Variants in OASL observed in about 807,000 individuals in gnomAD.
OASL encodes 2'-5'-oligoadenylate synthetase like.
In OASL, 28 loss-of-function variants were observed where a neutral mutation model predicts 35.3. That is an observed-to-expected ratio of 0.79 (90% confidence interval 0.59 to 1.09). OASL has a LOEUF of 1.09. Among genes scored for constraint, OASL ranks in the 50% least tolerant of loss-of-function variants. The pLI is 0.00. For missense variants in OASL, 620 were observed against 635.2 expected (o/e 0.98, Z 0.26); for synonymous variants, 252 against 254.6 (o/e 0.99, Z 0.10).
At chr12:121,032,187 C>T (rs1022336993) in intron 2 of OASL, among the ~76,000 whole-genome samples, 2 of 148,416 alleles carry the variant, frequency 1.3e-5, no homozygotes, top group East Asian at 3.9e-4. Context: ...AGCGAGACTC[C>T]GTCTCAAAAA....
exon 6 of OASL, chr12:121,020,597 C>A: frequency 6.2e-7 from 1 of 1,607,432 alleles, no homozygotes; most frequent in African/African-American, 1.3e-5. Flanking sequence ...CTTTCTTCTT[C>A]GAGAGGATGA....
At chr12:121,028,630 G>A (rs865881127) in intron 3 of OASL, among the ~76,000 whole-genome samples, 117 of 58,190 alleles carry the variant, frequency 2.0e-3, no homozygotes, top group African/African-American at 5.0e-3. Flanking sequence ...CCCCCCGCCC[G>A]CCCCCCCTAC....
chr12:121,029,641 T>C (rs1289963683), intron 3 of OASL, among the ~76,000 whole-genome samples: 2 of 152,060 alleles, frequency 1.3e-5, no homozygotes, highest in Non-Finnish European at 2.9e-5. Flanking sequence ...TGAGCTGAGA[T>C]TGCGCCACTG....
At chr12:121,034,187 G>A (rs1869862613) in intron 1 of OASL, among the ~76,000 whole-genome samples, 1 of 120,194 alleles carries the variant, frequency 8.3e-6, no homozygotes, top group South Asian at 2.9e-4. Context: ...AGCCCTCAGA[G>A]CCCAGACTCT....
intron 1 of OASL, among the ~76,000 whole-genome samples, chr12:121,037,309 A>C (rs1181837366): frequency 1.3e-5 from 2 of 151,560 alleles, no homozygotes. Context: ...TCTAGCTCCG[A>C]CCCTCTTGAA....
At chr12:121,039,100 C>G in exon 1 of OASL, 1 of 743,150 alleles carries the variant, frequency 1.3e-6, no homozygotes, top group Non-Finnish European at 2.2e-6. Flanking sequence ...GAGGAGGGAC[C>G]CTAGCAGAGA....
intron 1 of OASL, among the ~76,000 whole-genome samples, chr12:121,038,220 C>T (rs1290424030): frequency 1.3e-5 from 2 of 152,292 alleles, no homozygotes; most frequent in East Asian, 1.9e-4. Flanking sequence ...TTAATCTAAG[C>T]CACGTTAAAG....
At chr12:121,027,780 G>C (rs1869552004) in exon 4 of OASL, 1 of 1,614,114 alleles carries the variant, frequency 6.2e-7, no homozygotes, top group South Asian at 1.1e-5. Context: ...AGCATAGAGA[G>C]GGGGCAGATT....
intron 1 of OASL, among the ~76,000 whole-genome samples, chr12:121,036,811 A>G (rs924555652): frequency 2.0e-5 from 3 of 152,216 alleles, no homozygotes; most frequent in Non-Finnish European, 2.9e-5. Context: ...AAGCTTGGCA[A>G]GAATTATAAT....
chr12:121,036,607 A>G (rs1869966683), intron 1 of OASL, among the ~76,000 whole-genome samples: 1 of 152,100 alleles, frequency 6.6e-6, no homozygotes, highest in African/African-American at 2.4e-5. Context: ...AACATGATGG[A>G]ACCCCGTCTC....
At chr12:121,038,487 T>G (rs1225945951) in intron 1 of OASL, among the ~76,000 whole-genome samples, 2 of 152,222 alleles carry the variant, frequency 1.3e-5, no homozygotes, top group African/African-American at 4.8e-5. Flanking sequence ...TGCTAATCTG[T>G]AAACTGGGCA....
At chr12:121,017,868 G>A (rs749895967), downstream of OASL, among the ~76,000 whole-genome samples, 1 of 152,210 alleles carries the variant, frequency 6.6e-6, no homozygotes, top group Non-Finnish European at 1.5e-5. Flanking sequence ...AACGAGAAAA[G>A]ACAAAGTCCA....
chr12:121,029,008 T>C (rs937164989), intron 3 of OASL, among the ~76,000 whole-genome samples: 1 of 136,688 alleles, frequency 7.3e-6, no homozygotes, highest in Non-Finnish European at 1.5e-5. Context: ...GAGGTTGCAG[T>C]GAACCAAGAT....
At chr12:121,024,478 T>C (rs1035765708) in intron 4 of OASL, among the ~76,000 whole-genome samples, 1 of 151,946 alleles carries the variant, frequency 6.6e-6, no homozygotes, top group Non-Finnish European at 1.5e-5. Context: ...ATTAGCCAGG[T>C]GTGGTGGTAC....
At chr12:121,027,780 G>T in exon 4 of OASL, 1 of 1,614,114 alleles carries the variant, frequency 6.2e-7, no homozygotes, top group Non-Finnish European at 8.5e-7. Context: ...AGCATAGAGA[G>T]GGGGCAGATT....
Position 121,031,227 on chromosome 12 carries a change from C to T in OASL, c.657+215G>A, listed in dbSNP as rs576292223. Among the ~76,000 whole-genome samples the T allele has an allele frequency of 1.3e-4, 20 of 151,980 alleles. No individual in the cohort carries two copies. The South Asian group carries it at 3.9e-3, about 30-fold the overall frequency. On this transcript the variant is annotated intron_variant, in intron 3 of 5. Transcript: ENST00000257570. Reference sequence around the variant, plus strand: ...TGTAGAGCACCTATTTTTCTCCTTCCTTCTCTGTTTCTTTCTCCTCTTCCT... The same window carrying T: ...TGTAGAGCACCTATTTTTCTCCTTCTTTCTCTGTTTCTTTCTCCTCTTCCT...
At chr12:121,031,468 G>T (rs142653430) in exon 3 of OASL, 3 of 1,613,540 alleles carry the variant, frequency 1.9e-6, no homozygotes, top group Admixed American at 1.7e-5. Flanking sequence ...TTCACCAGGC[G>T]CAGGAGGCTC....
chr12:121,021,154 G>A, intron 5 of OASL, 96 bp from the exon 6 acceptor site: 1 of 1,282,654 alleles, frequency 7.8e-7, no homozygotes, highest in Non-Finnish European at 1.0e-6. Context: ...TACAATAGTA[G>A]CAGCAGCAGC....
At chr12:121,035,504 G>A (rs1424810876) in intron 1 of OASL, among the ~76,000 whole-genome samples, 6 of 144,182 alleles carry the variant, frequency 4.2e-5, no homozygotes, top group East Asian at 2.1e-4. Context: ...CAGCCTGGGC[G>A]ACACAGCGAG....
Sources: allele counts gnomAD v4.1 joint callset (sites outside exome capture counted in the v4.1 genomes callset), GRCh38; gene constraint gnomAD v4.1.1; transcripts MANE v1.5; gene names NCBI Gene and HGNC (gene_info 2026-07-23, HGNC 2026-07-21).